GALNT17: variants seen among roughly 807,000 people sequenced by gnomAD.
GALNT17 encodes the protein polypeptide N-acetylgalactosaminyltransferase 17, also known as UDP-GalNAc:polypeptide N-acetylgalactosaminyltransferase-like 3.
Under a neutral mutation model 63.7 loss-of-function variants are expected in GALNT17, and 29 were observed. The observed-to-expected ratio is 0.46, with a 90% CI of 0.34 to 0.62. The LOEUF (loss-of-function observed/expected upper bound fraction) is 0.62. Among genes scored for constraint, GALNT17 ranks in the 20% least tolerant of loss-of-function variants. The pLI is 0.01. For synonymous variants in GALNT17, 305 were observed against 318.3 expected (o/e 0.96, Z 0.45); for missense variants, 603 against 799.6 (o/e 0.75, Z 2.97).
intron 1 of GALNT17, among the ~76,000 whole-genome samples, chr7:71,206,024 C>A (rs1475876997): frequency 2.0e-5 from 3 of 146,976 alleles, no homozygotes; most frequent in Non-Finnish European, 4.5e-5. Context: ...TACCAAATTG[C>A]TTTGCCAGCT....
intron 1 of GALNT17, among the ~76,000 whole-genome samples, chr7:71,281,946 G>A (rs1266227958): frequency 6.6e-6 from 1 of 152,100 alleles, no homozygotes; most frequent in Non-Finnish European, 1.5e-5. Flanking sequence ...GAAAAAATCC[G>A]ATTCCCTCTC....
chr7:71,191,353 A>ATTTTTTTTTTTTTTTTTTTTTTTT (rs397736163), intron 1 of GALNT17, among the ~76,000 whole-genome samples: 1 of 145,238 alleles, frequency 6.9e-6, no homozygotes, highest in Non-Finnish European at 1.5e-5. Flanking sequence ...TTCACTCAGC[A>ATTTTTTTTTTTTTTTTTTTTTTTT]TTTTTTTTTT....
intron 3 of GALNT17, among the ~76,000 whole-genome samples, chr7:71,394,194 G>A (rs988761336): frequency 6.6e-6 from 1 of 152,154 alleles, no homozygotes; most frequent in Non-Finnish European, 1.5e-5. Context: ...AGAAGAGGAA[G>A]GGGAGCTGGT....
intron 1 of GALNT17, among the ~76,000 whole-genome samples, chr7:71,289,601 C>T (rs115731778): frequency 2.6e-5 from 4 of 151,664 alleles, no homozygotes; most frequent in African/African-American, 7.3e-5. Flanking sequence ...CCAGATGGAC[C>T]GGGTGCAACG....
intron 6 of GALNT17, among the ~76,000 whole-genome samples, chr7:71,587,772 A>G (rs925606548): frequency 2.6e-5 from 4 of 152,214 alleles, no homozygotes; most frequent in East Asian, 1.9e-4. Flanking sequence ...CAGCTCATCT[A>G]AACAAAGTAT....
chr7:71,684,207 G>C (rs1057188191), intron 9 of GALNT17, among the ~76,000 whole-genome samples: 1 of 152,100 alleles, frequency 6.6e-6, no homozygotes. Flanking sequence ...GAACACTTTG[G>C]CTACCCTGCA....
chr7:71,423,332 G>A (rs1786700736), intron 5 of GALNT17, among the ~76,000 whole-genome samples: 2 of 152,294 alleles, frequency 1.3e-5, no homozygotes, highest in East Asian at 1.9e-4. Flanking sequence ...TCTGGAACCT[G>A]TGAATGGTAC....
intron 2 of GALNT17, among the ~76,000 whole-genome samples, chr7:71,359,704 C>T (rs1242915214): frequency 2.0e-5 from 3 of 152,170 alleles, no homozygotes; most frequent in African/African-American, 2.4e-5. Flanking sequence ...CTGCCTCAGC[C>T]TCTTAAGTTG....
intron 5 of GALNT17, among the ~76,000 whole-genome samples, chr7:71,475,374 G>A (rs910489766): frequency 2.6e-5 from 4 of 152,096 alleles, no homozygotes; most frequent in Non-Finnish European, 5.9e-5. Flanking sequence ...GCAACTAAAC[G>A]GTCCCTTCTG....
At chr7:71,673,456 G>A (rs1293125555) in intron 8 of GALNT17, among the ~76,000 whole-genome samples, 1 of 152,158 alleles carries the variant, frequency 6.6e-6, no homozygotes, top group African/African-American at 2.4e-5. Flanking sequence ...TAGATTGGAA[G>A]CAAGTGTGAT....
At chr7:71,401,408 T>G (rs545093239) in intron 3 of GALNT17, among the ~76,000 whole-genome samples, 2 of 152,232 alleles carry the variant, frequency 1.3e-5, no homozygotes, top group Admixed American at 1.3e-4. Flanking sequence ...TCAATACTCT[T>G]TTATATGTCT....
intron 1 of GALNT17, among the ~76,000 whole-genome samples, chr7:71,187,204 C>T (rs958198775): frequency 1.3e-5 from 2 of 151,950 alleles, no homozygotes; most frequent in South Asian, 2.1e-4. Flanking sequence ...ACTGCAGCCT[C>T]GAACTCCTGA....
rs542537437 is a variant in GALNT17 at position 71,656,963 on chromosome 7, G to A, written c.1081-8448G>A. On this transcript the variant is annotated intron_variant, in intron 6 of 10. Transcript: ENST00000333538. ...GTGCCTTGAAGATCCCTGGAAAAGT[G>A]GCTTTCACATAATCAGGGCACCCAG... 8.5e-5 allele frequency among the ~76,000 whole-genome samples: 13 copies of A among 152,274 alleles called. 1 individual carries two copies. The highest frequency in any genetic ancestry group is 3.4e-3 in the Middle Eastern group (1 of 294).
At chr7:71,139,980 C>T (rs530975896) in intron 1 of GALNT17, among the ~76,000 whole-genome samples, 2 of 151,894 alleles carry the variant, frequency 1.3e-5, no homozygotes, top group African/African-American at 2.4e-5. Context: ...GGAGACAGAG[C>T]GAGACTCTGT....
At chr7:71,315,096 G>A (rs1791477059) in intron 1 of GALNT17, among the ~76,000 whole-genome samples, 2 of 152,148 alleles carry the variant, frequency 1.3e-5, no homozygotes, top group Non-Finnish European at 2.9e-5. Flanking sequence ...ACCTATTCTG[G>A]ACACTTCATA....
intron 5 of GALNT17, among the ~76,000 whole-genome samples, chr7:71,554,041 G>A (rs755501231): frequency 4.6e-5 from 7 of 152,180 alleles, no homozygotes; most frequent in Admixed American, 1.3e-4. Context: ...ATTCATAGCC[G>A]ATGCCCTTGG....
chr7:71,276,783 A>G (rs907163252), intron 1 of GALNT17, among the ~76,000 whole-genome samples: 9 of 152,152 alleles, frequency 5.9e-5, no homozygotes, highest in African/African-American at 2.2e-4. Context: ...AGATCATTTG[A>G]GGTCAGGAGT....
At chr7:71,222,003 G>A (rs1789595022) in intron 1 of GALNT17, among the ~76,000 whole-genome samples, 1 of 150,070 alleles carries the variant, frequency 6.7e-6, no homozygotes, top group Non-Finnish European at 1.5e-5. Context: ...CACTTCCTGG[G>A]TTCAAGCGAC....
At chr7:71,465,623 T>C (rs776838687) in intron 5 of GALNT17, among the ~76,000 whole-genome samples, 1 of 152,216 alleles carries the variant, frequency 6.6e-6, no homozygotes, top group Non-Finnish European at 1.5e-5. Flanking sequence ...CCTCCTACTG[T>C]GTCCAAACCT....
Sources: gnomAD v4.1 joint callset for allele counts (sites outside exome capture counted in the v4.1 genomes callset) on GRCh38, gnomAD v4.1.1 for gene constraint, MANE v1.5 for transcripts, NCBI Gene and HGNC (gene_info 2026-07-23, HGNC 2026-07-21) for gene names.